The following HAO1 variants were observed in gnomAD, a reference collection of about 807,000 sequenced individuals.
HAO1 encodes hydroxyacid oxidase 1.
A neutral mutation model predicts 39.7 loss-of-function variants in HAO1; 34 were observed. That is an observed-to-expected ratio of 0.86 (90% CI 0.65 to 1.14). The LOEUF is 1.14. Among genes scored for constraint, HAO1 ranks in the 50% most tolerant of loss-of-function variants. The pLI, the probability that HAO1 is intolerant of heterozygous loss-of-function variation, is 0.00. For missense variants in HAO1, 479 were observed against 464.5 expected, an observed-to-expected ratio of 1.03 and a Z score of -0.29; for synonymous variants, 172 against 173.2, an observed-to-expected ratio of 0.99 and a Z score of 0.05.
At chr20:7,920,527 C>T (rs916481182) in intron 2 of HAO1, among the ~76,000 whole-genome samples, 2 of 152,084 alleles carry the variant, frequency 1.3e-5, no homozygotes, top group Non-Finnish European at 2.9e-5. Context: ...CCTATTACTC[C>T]AGTCGCACTG....
chr20:7,902,746 C>T (rs752804094), intron 4 of HAO1, among the ~76,000 whole-genome samples: 1 of 152,068 alleles, frequency 6.6e-6, no homozygotes, highest in Admixed American at 6.5e-5. Context: ...AGGCACCATG[C>T]CTTTGCTGAA....
chr20:7,884,687 G>A (rs1312418665), intron 7 of HAO1, among the ~76,000 whole-genome samples: 1 of 152,142 alleles, frequency 6.6e-6, no homozygotes, highest in Non-Finnish European at 1.5e-5. Flanking sequence ...ATAAGTAAGG[G>A]TGACATTGGT....
At chr20:7,911,444 G>A (rs1158412847) in intron 3 of HAO1, among the ~76,000 whole-genome samples, 2 of 152,142 alleles carry the variant, frequency 1.3e-5, no homozygotes, top group Admixed American at 1.3e-4. Context: ...CAGGGTAAAT[G>A]AACCATCTCC....
chr20:7,921,105 A>T (rs1255537722), intron 2 of HAO1, among the ~76,000 whole-genome samples: 2 of 152,090 alleles, frequency 1.3e-5, no homozygotes, highest in African/African-American at 4.8e-5. Context: ...CCAGAAAACA[A>T]ATAACCCAAT....
chr20:7,916,895 A>G (rs1020333273), intron 2 of HAO1, among the ~76,000 whole-genome samples: 1 of 152,188 alleles, frequency 6.6e-6, no homozygotes, highest in African/African-American at 2.4e-5. Flanking sequence ...TTAAGTAAGA[A>G]CACAAATGAA....
At position 7,914,330 on chromosome 20, in the gene HAO1, G is replaced by T. The variant is rs772397650; in HGVS notation, c.379C>A (p.Arg127Ser). 2 of 1,613,982 alleles carry T rather than the reference G, an allele frequency of 1.2e-6. No individual in the cohort carries two copies. Among genetic ancestry groups the T allele is most frequent in the Non-Finnish European group, 1.7e-6 (2 of 1,179,956 alleles). ...EVAEAGPEAL[R>S]WLQLYIYKDR... ...TTGTAGATATACAGTTGCAGCCAACGAAGTGCCTCAGGACCAGCTTCCGCC... is the reference window on the plus strand; with the variant it reads ...TTGTAGATATACAGTTGCAGCCAACTAAGTGCCTCAGGACCAGCTTCCGCC... Residue 127 changes from arginine to serine, a missense_variant, in exon 3 of 8, where the codon CGT becomes AGT. Coordinates refer to ENST00000378789, the MANE Select transcript of HAO1 (RefSeq NM_017545.3).
At chr20:7,889,440 T>G (rs77736244) in intron 5 of HAO1, among the ~76,000 whole-genome samples, 4,537 of 152,312 alleles carry the variant, frequency 0.03, 224 homozygotes, top group African/African-American at 0.099. Flanking sequence ...TGCTATGTAT[T>G]TTAGAAACCA....
intron 4 of HAO1, among the ~76,000 whole-genome samples, chr20:7,895,968 A>G (rs1196081932): frequency 2.6e-5 from 4 of 152,152 alleles, no homozygotes; most frequent in African/African-American, 9.7e-5. Flanking sequence ...GCTACTCAGG[A>G]GGCTGAGGCA....
intron 7 of HAO1, 37 bp from the exon 8 acceptor site, chr20:7,883,700 T>A: frequency 3.9e-6 from 5 of 1,291,194 alleles, no homozygotes; most frequent in Non-Finnish European, 5.6e-6. Flanking sequence ...ATGAACTGAA[T>A]GCAATAATAA....
At chr20:7,929,948 A>G (rs1229746760) in intron 2 of HAO1, among the ~76,000 whole-genome samples, 1 of 152,180 alleles carries the variant, frequency 6.6e-6, no homozygotes, top group Non-Finnish European at 1.5e-5. Context: ...GAAGGGCAGA[A>G]AGGCCCTTGA....
At chr20:7,917,301 C>A (rs2050311283) in intron 2 of HAO1, among the ~76,000 whole-genome samples, 1 of 143,768 alleles carries the variant, frequency 7.0e-6, no homozygotes, top group African/African-American at 2.6e-5. Flanking sequence ...GATCACACCA[C>A]TGTACTCCAG....
At chr20:7,911,292 T>C (rs2050278411) in intron 3 of HAO1, among the ~76,000 whole-genome samples, 1 of 152,196 alleles carries the variant, frequency 6.6e-6, no homozygotes, top group Non-Finnish European at 1.5e-5. Flanking sequence ...ATAAATCATT[T>C]CTGGGCTTAA....
chr20:7,936,764 A>G (rs748907275), intron 1 of HAO1, among the ~76,000 whole-genome samples: 23 of 152,092 alleles, frequency 1.5e-4, no homozygotes, highest in Admixed American at 2.6e-4. Context: ...AATGCACAAA[A>G]CGTAATTGCT....
chr20:7,902,427 T>C (rs572386214), intron 4 of HAO1, among the ~76,000 whole-genome samples: 1 of 152,198 alleles, frequency 6.6e-6, no homozygotes, highest in African/African-American at 2.4e-5. Context: ...AAGACTCAGG[T>C]GATCATTAGC....
intron 2 of HAO1, among the ~76,000 whole-genome samples, chr20:7,933,241 TCA>T (rs2050393821): frequency 6.6e-6 from 1 of 152,166 alleles, no homozygotes; most frequent in Non-Finnish European, 1.5e-5. Context: ...CATTAACCCT[TCA>T]CAGTCTCATA....
chr20:7,917,926 C>T (rs2050314514), intron 2 of HAO1, among the ~76,000 whole-genome samples: 1 of 152,162 alleles, frequency 6.6e-6, no homozygotes, highest in Admixed American at 6.5e-5. Context: ...CTTGGGTATG[C>T]ATATTTAGAG....
At chr20:7,916,659 T>C (rs1428571193) in intron 2 of HAO1, among the ~76,000 whole-genome samples, 1 of 152,238 alleles carries the variant, frequency 6.6e-6, no homozygotes, top group Non-Finnish European at 1.5e-5. Flanking sequence ...CATTAGATAG[T>C]AAAGGTCTAA....
chr20:7,938,046 GA>G (rs1402756955), intron 1 of HAO1, among the ~76,000 whole-genome samples: 1 of 152,180 alleles, frequency 6.6e-6, no homozygotes, highest in Non-Finnish European at 1.5e-5. Flanking sequence ...GCGAGATGGG[GA>G]GGTGTATAAA....
chr20:7,939,828 CA>C (rs1378052348), intron 1 of HAO1, among the ~76,000 whole-genome samples: 2 of 152,048 alleles, frequency 1.3e-5, no homozygotes, highest in African/African-American at 4.8e-5. Flanking sequence ...AAAGTTTAGA[CA>C]ACAGTAATCA....
Sources: gnomAD v4.1 joint callset for allele counts (sites outside exome capture counted in the v4.1 genomes callset) on GRCh38, gnomAD v4.1.1 for gene constraint, MANE v1.5 for transcripts, NCBI Gene and HGNC (gene_info 2026-07-23, HGNC 2026-07-21) for gene names.